TRPM3: variants seen among roughly 807,000 people sequenced by gnomAD.
TRPM3 encodes the protein transient receptor potential cation channel subfamily M member 3, also known as long transient receptor potential channel 3.
In TRPM3, 77 loss-of-function variants were observed where a neutral mutation model predicts 181.2. The ratio of observed to expected loss-of-function variants is 0.42; its 90% CI spans 0.35 to 0.51. The LOEUF (loss-of-function observed/expected upper bound fraction) is 0.51, where lower values mean the gene tolerates loss of function less well. Ranked by LOEUF, TRPM3 falls within the 20% of genes least tolerant of loss-of-function variation. The pLI is 0.01. For missense variants in TRPM3, 1,759 were observed against 2,196.7 expected (o/e 0.80, Z 3.98); for synonymous variants, 745 against 796.4 (o/e 0.94, Z 1.09).
Position 70,535,158 on chromosome 9 carries a change from G to T in TRPM3, c.*795C>A, listed in dbSNP as rs1382822612. On this transcript the variant is annotated 3_prime_UTR_variant, in exon 26 of 26. Transcript: ENST00000677713. Reference sequence around the variant, plus strand: ...TAATTACATTCTCCTGAGCTTGCTCGACTAGACTTGAACGCCCACTGTATA... The same window carrying T: ...TAATTACATTCTCCTGAGCTTGCTCTACTAGACTTGAACGCCCACTGTATA... 8.2e-6 allele frequency: 3 copies of T among 364,784 alleles called. No homozygotes were observed. The highest frequency in any genetic ancestry group is 1.5e-5 in the Non-Finnish European group (3 of 205,464). 22.6% of individuals were successfully genotyped at this position (364,784 alleles called of 1,614,324 possible). A position where few individuals can be genotyped will look rare whatever the true frequency, so the allele number is the denominator to read the frequency against.
At chr9:70,990,559 G>A (rs2097470483) in intron 1 of TRPM3, among the ~76,000 whole-genome samples, 4 of 152,070 alleles carry the variant, frequency 2.6e-5, no homozygotes, top group Admixed American at 6.6e-5. Context: ...AACACCCTGG[G>A]TTTGAAATGT....
At chr9:71,280,673 C>A (rs1407908024) in intron 1 of TRPM3, among the ~76,000 whole-genome samples, 3 of 152,186 alleles carry the variant, frequency 2.0e-5, no homozygotes, top group Non-Finnish European at 4.4e-5. Context: ...CTCAGTGATA[C>A]AAAAGCCTTT....
chr9:71,358,025 A>G (rs1481207427), intron 1 of TRPM3, among the ~76,000 whole-genome samples: 1 of 152,218 alleles, frequency 6.6e-6, no homozygotes. Flanking sequence ...AAATGAGTGA[A>G]CAATATGGCG....
intron 1 of TRPM3, among the ~76,000 whole-genome samples, chr9:71,212,851 C>CTATGTATG (rs3041656): frequency 2.5e-3 from 376 of 151,078 alleles, no homozygotes; most frequent in African/African-American, 5.7e-3. Flanking sequence ...GCCAGCTTTA[C>CTATGTATG]TATGTATGTA....
intron 20 of TRPM3, 119 bp from the exon 21 acceptor site, chr9:70,598,789 C>T (rs2059414881): frequency 1.6e-6 from 2 of 1,215,574 alleles, no homozygotes; most frequent in Non-Finnish European, 2.3e-6. Flanking sequence ...CCTATATCTA[C>T]TTAAATACTT....
intron 1 of TRPM3, among the ~76,000 whole-genome samples, chr9:71,114,961 CAG>C (rs1307510369): frequency 1.3e-5 from 2 of 152,130 alleles, no homozygotes; most frequent in African/African-American, 4.8e-5. Context: ...ATCATACAAA[CAG>C]AAAATAAAAA....
chr9:70,879,892 C>A (rs1273950651), intron 1 of TRPM3, among the ~76,000 whole-genome samples: 1 of 152,122 alleles, frequency 6.6e-6, no homozygotes, highest in East Asian at 1.9e-4. Flanking sequence ...CATGCTGCAC[C>A]TGTGTGTGCA....
chr9:70,818,382 G>A (rs2092884445), intron 6 of TRPM3, among the ~76,000 whole-genome samples: 1 of 152,166 alleles, frequency 6.6e-6, no homozygotes, highest in Non-Finnish European at 1.5e-5. Flanking sequence ...CTAGAAACTT[G>A]ATTTATTAAA....
Position 70,693,733 on chromosome 9 carries a change from C to T in TRPM3, c.1273-12155G>A, listed in dbSNP as rs11142551. ...ACGTTCCAGTTGGTAGACCAGATGC[C>T]CTTGGTTTACCTCTCTGGGGACCTG... On this transcript the variant is annotated intron_variant, in intron 8 of 25. Coordinates refer to ENST00000677713, the MANE Select transcript of TRPM3 (RefSeq NM_001366145.2). 5.2e-4 allele frequency among the ~76,000 whole-genome samples: 79 copies of T among 152,266 alleles called. 1 individual carries two copies. The East Asian group carries it at 0.014, about 27-fold the overall frequency.
At chr9:70,799,172 C>G (rs1442910609) in intron 6 of TRPM3, among the ~76,000 whole-genome samples, 1 of 152,210 alleles carries the variant, frequency 6.6e-6, no homozygotes, top group Non-Finnish European at 1.5e-5. Context: ...CGGAAATGAA[C>G]AGGAACTATA....
At chr9:70,540,727 T>C (rs891584609) in intron 25 of TRPM3, among the ~76,000 whole-genome samples, 2 of 152,090 alleles carry the variant, frequency 1.3e-5, no homozygotes, top group African/African-American at 4.8e-5. Flanking sequence ...TTTATTTTTA[T>C]TTTATTTTTT....
chr9:71,325,108 T>G (rs1379760832), intron 1 of TRPM3, among the ~76,000 whole-genome samples: 2 of 151,698 alleles, frequency 1.3e-5, no homozygotes, highest in Non-Finnish European at 2.9e-5. Flanking sequence ...ACTTGATCAT[T>G]GCAAATTATA....
chr9:71,144,293 G>A (rs144221702), intron 1 of TRPM3, among the ~76,000 whole-genome samples: 7 of 152,226 alleles, frequency 4.6e-5, no homozygotes, highest in East Asian at 3.9e-4. Flanking sequence ...TCTGATCACC[G>A]TAATTTACCC....
intron 1 of TRPM3, among the ~76,000 whole-genome samples, chr9:71,158,402 C>T (rs2076107758): frequency 6.6e-6 from 1 of 152,114 alleles, no homozygotes; most frequent in Admixed American, 6.6e-5. Flanking sequence ...ACTGTCATAT[C>T]CAGTAAGGAT....
At chr9:71,067,280 G>A (rs1347867462) in intron 1 of TRPM3, among the ~76,000 whole-genome samples, 1 of 152,136 alleles carries the variant, frequency 6.6e-6, no homozygotes, top group East Asian at 1.9e-4. Context: ...TTTGGAAAGT[G>A]GAAAGTACCA....
intron 12 of TRPM3, among the ~76,000 whole-genome samples, chr9:70,628,042 C>A (rs1449061298): frequency 1.3e-5 from 2 of 152,208 alleles, no homozygotes; most frequent in African/African-American, 4.8e-5. Flanking sequence ...TCCCATAAAA[C>A]TAAACTGAGT....
intron 3 of TRPM3, among the ~76,000 whole-genome samples, chr9:70,859,222 C>G (rs1030614632): frequency 6.6e-6 from 1 of 152,126 alleles, no homozygotes; most frequent in African/African-American, 2.4e-5. Context: ...TATAGCTGAC[C>G]TTGTTTAACC....
At position 70,625,344 on chromosome 9, in the gene TRPM3, A is replaced by G. The variant is rs1373843045; in HGVS notation, c.1669-13T>C. 2 of 1,614,086 alleles carry G rather than the reference A, an allele frequency of 1.2e-6. No individual in the cohort carries two copies. The highest frequency in any genetic ancestry group is 1.1e-5 in the South Asian group (1 of 91,060). ...GGGGCAGGTTCCCCTATCAGGGTAG[A>G]ATGAAACAAACAGACAAATCCAAAA... On this transcript the variant is annotated splice_polypyrimidine_tract_variant and intron_variant, in intron 13 of 25. Transcript: ENST00000677713. The surrounding 1 kb of genome is among the most constrained non-coding windows in gnomAD (Gnocchi z 4.8).
chr9:71,176,103 A>T (rs547515727), intron 1 of TRPM3, among the ~76,000 whole-genome samples: 2 of 152,310 alleles, frequency 1.3e-5, no homozygotes, highest in African/African-American at 4.8e-5. Context: ...TTACTAGTGT[A>T]TGCATATACT....
Sources: allele counts gnomAD v4.1 joint callset (sites outside exome capture counted in the v4.1 genomes callset), GRCh38; gene constraint gnomAD v4.1.1; non-coding constraint Gnocchi (gnomAD v3.1); transcripts MANE v1.5; gene names NCBI Gene and HGNC (gene_info 2026-07-23, HGNC 2026-07-21).